LTN1: variants seen among roughly 807,000 people sequenced by gnomAD.
LTN1 encodes E3 ubiquitin-protein ligase listerin.
LTN1 carries 88 observed loss-of-function variants against 201.2 expected under a neutral mutation model. That is an observed-to-expected ratio of 0.44 (90% CI 0.37 to 0.52). The LOEUF (loss-of-function observed/expected upper bound fraction) is 0.52, where lower values mean the gene tolerates loss of function less well. Among genes scored for constraint, LTN1 ranks in the 20% least tolerant of loss-of-function variants. The pLI, the probability that LTN1 is intolerant of heterozygous loss-of-function variation, is 0.00. For synonymous variants in LTN1, 645 were observed against 713.5 expected (o/e 0.90, Z 1.53); for missense variants, 1,752 against 2,038.7 (o/e 0.86, Z 2.71).
intron 13 of LTN1, among the ~76,000 whole-genome samples, chr21:28,959,187 G>A (rs2084452959): frequency 6.6e-6 from 1 of 152,190 alleles, no homozygotes; most frequent in Admixed American, 6.5e-5. Context: ...GAACATGCCA[G>A]AACTACTGAA....
intron 6 of LTN1, among the ~76,000 whole-genome samples, chr21:28,973,165 T>C (rs892966530): frequency 3.3e-5 from 5 of 151,636 alleles, no homozygotes; most frequent in Non-Finnish European, 1.5e-5. Context: ...GTGGCCAACA[T>C]AGCAAAACCC....
intron 6 of LTN1, among the ~76,000 whole-genome samples, chr21:28,979,691 C>CG (rs1438641774): frequency 2.6e-5 from 4 of 152,082 alleles, no homozygotes; most frequent in South Asian, 4.1e-4. Context: ...TGTCTTAGGC[C>CG]GGGCACGGTG....
intron 16 of LTN1, among the ~76,000 whole-genome samples, chr21:28,954,973 C>T (rs1182094371): frequency 2.0e-5 from 3 of 152,012 alleles, no homozygotes; most frequent in Non-Finnish European, 2.9e-5. Context: ...GCAAAAGAAA[C>T]AATCAACAAA....
intron 1 of LTN1, among the ~76,000 whole-genome samples, chr21:28,990,657 C>T (rs867627241): frequency 2.0e-5 from 3 of 152,100 alleles, no homozygotes; most frequent in East Asian, 1.9e-4. Context: ...CAAACAGGTG[C>T]GAAGTGCCCC....
At chr21:28,931,514 T>C (rs1446586593) in intron 28 of LTN1, among the ~76,000 whole-genome samples, 192 bp from the exon 29 acceptor site, 2 of 152,230 alleles carry the variant, frequency 1.3e-5, no homozygotes, top group Non-Finnish European at 2.9e-5. Context: ...AGATGTAATT[T>C]TTCTCCATTA....
In LTN1 at chr21:28,986,369, A is replaced by G. The variant is rs1383226685; in HGVS notation, c.247-132T>C. ...ATTTCTCTTTATGCCATATGAGACTAGTTTGAAGAGCTCTTTCACAGGCTA... is the reference window on the plus strand; with the variant it reads ...ATTTCTCTTTATGCCATATGAGACTGGTTTGAAGAGCTCTTTCACAGGCTA... On this transcript the variant is annotated intron_variant, in intron 2 of 29. Transcript: ENST00000361371. The surrounding 1 kb of genome is among the most constrained non-coding windows in gnomAD (Gnocchi z 4.1). 34 of 695,400 alleles carry G rather than the reference A, an allele frequency of 4.9e-5. No individual in the cohort carries two copies. The highest frequency in any genetic ancestry group is 8.7e-5 in the Non-Finnish European group (34 of 392,648). 43.1% of individuals were successfully genotyped at this position (695,400 alleles called of 1,614,324 possible). A position where few individuals can be genotyped will look rare whatever the true frequency, so the allele number is the denominator to read the frequency against.
chr21:28,945,706 C>T (rs528641486), intron 21 of LTN1, 101 bp downstream of exon 21: 1 of 1,057,506 alleles, frequency 9.5e-7, no homozygotes, highest in African/African-American at 1.6e-5. Context: ...ACAAAGGAAC[C>T]AATTACAATC....
Position 28,953,248 on chromosome 21 carries a change from T to C in LTN1, c.3208A>G (p.Thr1070Ala). ...TYDNLRVLGN[T>A]SGLLQLLFNR... ...AATAACAGCTGCAAAAGGCCCGACG[T>C]ATTACCAAGTACACGTAAGTTATCA... is the stretch of plus-strand genomic sequence containing the variant. The change falls in exon 17 of 30, where the codon ACG (threonine) becomes GCG (alanine). Residue 1070 changes from threonine (T) to alanine (A), a missense_variant. Thr to Ala is a moderately conservative substitution (Grantham distance 58, BLOSUM62 0). Coordinates refer to ENST00000361371, the MANE Select transcript of LTN1 (RefSeq NM_015565.3). 1 of 1,585,970 alleles carries C rather than the reference T, an allele frequency of 6.3e-7. No homozygotes were observed. Among genetic ancestry groups the C allele is most frequent in the Non-Finnish European group, 8.5e-7 (1 of 1,172,094 alleles).
intron 27 of LTN1, among the ~76,000 whole-genome samples, chr21:28,933,990 T>C (rs1242663998): frequency 6.6e-6 from 1 of 152,136 alleles, no homozygotes; most frequent in Non-Finnish European, 1.5e-5. Flanking sequence ...TTCTTTATAG[T>C]AAATGCCATT....
At chr21:28,959,424 T>C (rs766229398) in intron 13 of LTN1, 34 bp downstream of exon 13, 18 of 1,596,808 alleles carry the variant, frequency 1.1e-5, no homozygotes, top group Admixed American at 6.9e-5. Flanking sequence ...GAGCCGGAGA[T>C]TCCCAACAAA....
chr21:28,955,570 G>A (rs752185418), intron 16 of LTN1, among the ~76,000 whole-genome samples: 4 of 152,014 alleles, frequency 2.6e-5, no homozygotes, highest in African/African-American at 4.8e-5. Context: ...GTGTCCATCA[G>A]TGAATGAATG....
In LTN1 at chr21:28,960,542, C is replaced by G. The variant is rs780192589; in HGVS notation, c.2328G>C (p.Leu776Phe). 1.2e-6 allele frequency: 2 copies of G among 1,612,874 alleles called. No homozygotes were observed. The highest frequency in any genetic ancestry group is 1.7e-6 in the Non-Finnish European group (2 of 1,179,540). ...CATTTTTAACATGTTGGGATAATACCAAGCTTAGAAGAGTCCATCTTTCTG... is the reference window on the plus strand; with the variant it reads ...CATTTTTAACATGTTGGGATAATACGAAGCTTAGAAGAGTCCATCTTTCTG... Reference protein sequence around the residue: ...HFSERWTLLSLVLSQHVKNDY... With the variant: ...HFSERWTLLSFVLSQHVKNDY... The change falls in exon 12 of 30, where the codon TTG becomes TTC. Residue 776 changes from leucine (L) to phenylalanine (F), a missense_variant. Transcript: ENST00000361371.
intron 14 of LTN1, among the ~76,000 whole-genome samples, chr21:28,958,095 G>A (rs2084441418): frequency 6.6e-6 from 1 of 152,172 alleles, no homozygotes; most frequent in Non-Finnish European, 1.5e-5. Context: ...AATGGTTTTG[G>A]AAAAATTCGT....
rs571349311 is a variant in LTN1 at position 28,985,362 on chromosome 21, A to G, written c.346-440T>C. Among the ~76,000 whole-genome samples the G allele has an allele frequency of 2.0e-4, 31 of 152,044 alleles. No individual in the cohort carries two copies. The South Asian group carries it at 2.5e-3, about 12-fold the overall frequency. Reference sequence around the variant, plus strand: ...TGTAATCCCAGTTACTCAGGAGGCTAAGGCAGGAGAATCACTTGAACCCAG... The same window carrying G: ...TGTAATCCCAGTTACTCAGGAGGCTGAGGCAGGAGAATCACTTGAACCCAG... On this transcript the variant is annotated intron_variant, in intron 3 of 29. Coordinates refer to ENST00000361371, the MANE Select transcript of LTN1 (RefSeq NM_015565.3).
At chr21:28,980,630 G>A (rs549667327) in intron 6 of LTN1, among the ~76,000 whole-genome samples, 1 of 150,600 alleles carries the variant, frequency 6.6e-6, no homozygotes, top group South Asian at 2.1e-4. Context: ...AAAATGCTGT[G>A]AATAGCTCAC....
At chr21:28,938,200 A>G (rs1011787799) in intron 25 of LTN1, among the ~76,000 whole-genome samples, 1 of 152,156 alleles carries the variant, frequency 6.6e-6, no homozygotes, top group African/African-American at 2.4e-5. Context: ...TAAAAATTAG[A>G]TATTATTGCA....
chr21:28,952,115 C>T (rs755762338), intron 18 of LTN1, 45 bp downstream of exon 18: 32 of 1,165,268 alleles, frequency 2.7e-5, no homozygotes, highest in African/African-American at 2.0e-4. Flanking sequence ...CCAAAGTGAC[C>T]GATTACAGTA....
rs2084188910 is a variant in LTN1 at position 28,928,816 on chromosome 21, T to C, written c.*1632A>G. The C allele has an allele frequency of 6.6e-6, 1 of 152,304 alleles. No individual in the cohort carries two copies. The highest frequency in any genetic ancestry group is 2.4e-5 in the African/African-American group (1 of 41,408). The allele number at this position is 152,304 out of a possible 1,614,324, so 9.4% of individuals were successfully genotyped here. On this transcript the variant is annotated 3_prime_UTR_variant, in exon 30 of 30. Transcript: ENST00000361371. The stretch of plus-strand genomic sequence containing the variant: ...TGGGCCAGAAGCCAAGATGTACCAA[T>C]ACTGGAAAGGTTTTAAACAGTCTTA...
intron 19 of LTN1, among the ~76,000 whole-genome samples, chr21:28,946,625 C>T (rs928606057): frequency 1.3e-5 from 2 of 152,154 alleles, no homozygotes; most frequent in African/African-American, 4.8e-5. Context: ...AAAAACCCTA[C>T]AGCTACAGAG....
Sources: gnomAD v4.1 joint callset for allele counts (sites outside exome capture counted in the v4.1 genomes callset) on GRCh38, gnomAD v4.1.1 for gene constraint, Gnocchi (gnomAD v3.1) non-coding constraint, MANE v1.5 for transcripts, NCBI Gene and HGNC (gene_info 2026-07-23, HGNC 2026-07-21) for gene names.